Variants in SRGAP3 observed in about 807,000 individuals in gnomAD.
SRGAP3 encodes SLIT-ROBO Rho GTPase-activating protein 3.
SRGAP3 carries 39 observed loss-of-function variants against 121.1 expected under a neutral mutation model. The ratio of observed to expected loss-of-function variants is 0.32; its 90% CI spans 0.25 to 0.42. The LOEUF (loss-of-function observed/expected upper bound fraction) is 0.42. SRGAP3 is among the 10% of genes least tolerant of loss of function. SRGAP3 has a pLI of 1.00. For synonymous variants in SRGAP3, 601 were observed against 570.0 expected (o/e 1.05, Z -0.77); for missense variants, 1,213 against 1,470.6 (o/e 0.82, Z 2.86).
chr3:9,342,713 G>C (rs1353298366), intron 1 of SRGAP3, among the ~76,000 whole-genome samples: 1 of 152,166 alleles, frequency 6.6e-6, no homozygotes, highest in Non-Finnish European at 1.5e-5. Context: ...CCTTTACTTA[G>C]ACTCTTGAGG....
chr3:9,270,713 CA>C (rs1954457225), intron 3 of SRGAP3, among the ~76,000 whole-genome samples: 1 of 152,156 alleles, frequency 6.6e-6, no homozygotes, highest in Non-Finnish European at 1.5e-5. Flanking sequence ...ATTGACCAGA[CA>C]ATAACACAGC....
chr3:9,126,637 CTAACTAACTAAATAAA>C (rs1200808022), intron 1 of SRGAP3, among the ~76,000 whole-genome samples: 24 of 144,772 alleles, frequency 1.7e-4, no homozygotes, highest in Middle Eastern at 3.4e-3. Flanking sequence ...AACTAACTAA[CTAACTAACTAAATAAA>C]TAAATAAATA....
chr3:9,027,948 C>G, intron 12 of SRGAP3: 1 of 888,852 alleles, frequency 1.1e-6, no homozygotes, highest in South Asian at 1.4e-5. Context: ...CACACCCCAC[C>G]TGTGAATTCT....
chr3:9,356,539 A>AT (rs1292916196), intron 1 of SRGAP3, among the ~76,000 whole-genome samples: 1 of 151,180 alleles, frequency 6.6e-6, no homozygotes, highest in South Asian at 2.1e-4. Context: ...CATCCGGCTA[A>AT]TTTTTTTGTA....
At chr3:9,158,933 G>GAC (rs1390700373) in intron 1 of SRGAP3, among the ~76,000 whole-genome samples, 2 of 152,138 alleles carry the variant, frequency 1.3e-5, no homozygotes, top group African/African-American at 4.8e-5. Flanking sequence ...AAGCCTCTCT[G>GAC]ACAGAGCCCA....
At chr3:9,014,282 CT>C (rs1244795084) in intron 15 of SRGAP3, 1 of 238,016 alleles carries the variant, frequency 4.2e-6, no homozygotes. Flanking sequence ...AGTGCATTCC[CT>C]TTTATGAAGT....
At chr3:9,229,788 C>T (rs1482588994) in intron 1 of SRGAP3, among the ~76,000 whole-genome samples, 1 of 152,198 alleles carries the variant, frequency 6.6e-6, no homozygotes, top group South Asian at 2.1e-4. Context: ...TGGTTTTTCT[C>T]TTAAAGATAC....
intron 1 of SRGAP3, among the ~76,000 whole-genome samples, chr3:9,362,438 A>G (rs1037787443): frequency 6.7e-6 from 1 of 148,564 alleles, no homozygotes; most frequent in Non-Finnish European, 1.5e-5. Flanking sequence ...TGCTGGGATT[A>G]CAGGCATGAG....
intron 3 of SRGAP3, among the ~76,000 whole-genome samples, chr3:9,263,367 C>T (rs905927842): frequency 2.2e-4 from 33 of 151,788 alleles, no homozygotes; most frequent in Non-Finnish European, 4.4e-4. Flanking sequence ...TAACTAAGAT[C>T]AGAGCAGAAC....
At chr3:9,069,673 G>A (rs1946598525) in intron 4 of SRGAP3, among the ~76,000 whole-genome samples, 1 of 152,226 alleles carries the variant, frequency 6.6e-6, no homozygotes. Flanking sequence ...AGCGGGCTGG[G>A]CGCGGTGGCT....
chr3:9,299,543 C>A (rs963093398), intron 3 of SRGAP3, among the ~76,000 whole-genome samples: 29 of 152,064 alleles, frequency 1.9e-4, no homozygotes, highest in Non-Finnish European at 3.2e-4. Context: ...TGGTGGTAGG[C>A]AAGTACGTTT....
intron 3 of SRGAP3, chr3:9,256,744 ATCT>A: frequency 2.5e-6 from 1 of 395,372 alleles, no homozygotes; most frequent in Non-Finnish European, 4.4e-6. Context: ...TCACACATTA[ATCT>A]TCTCTTTTCA....
At chr3:9,328,849 G>C (rs1489036416) in intron 2 of SRGAP3, among the ~76,000 whole-genome samples, 2 of 152,274 alleles carry the variant, frequency 1.3e-5, no homozygotes, top group Non-Finnish European at 1.5e-5. Flanking sequence ...ACTTGCAAAG[G>C]CTTTTAACTA....
intron 1 of SRGAP3, among the ~76,000 whole-genome samples, chr3:9,202,863 C>A (rs1309761299): frequency 6.6e-6 from 1 of 152,266 alleles, no homozygotes; most frequent in Non-Finnish European, 1.5e-5. Context: ...CCAGAACATG[C>A]TCTAGGCTGA....
At chr3:9,269,605 C>G (rs1954434923) in intron 3 of SRGAP3, among the ~76,000 whole-genome samples, 4 of 152,204 alleles carry the variant, frequency 2.6e-5, no homozygotes, top group Admixed American at 1.3e-4. Context: ...TTGAACCTCT[C>G]CACCCAGAAA....
intron 1 of SRGAP3, among the ~76,000 whole-genome samples, chr3:9,226,293 A>G (rs950434343): frequency 1.3e-5 from 2 of 152,150 alleles, no homozygotes; most frequent in East Asian, 3.9e-4. Flanking sequence ...TTGTTATGGA[A>G]ATTATTTTCC....
chr3:9,333,482 C>G (rs115835440), intron 1 of SRGAP3, among the ~76,000 whole-genome samples: 5,843 of 152,248 alleles, frequency 0.038, 116 homozygotes, highest in Middle Eastern at 0.061. Flanking sequence ...CCTTCTAATT[C>G]CTCCTTGTCT....
chr3:9,123,403 CATACATACACAT>C (rs1949095506), intron 2 of SRGAP3, among the ~76,000 whole-genome samples: 3 of 3,512 alleles, frequency 8.5e-4, no homozygotes, highest in Non-Finnish European at 6.8e-3. Flanking sequence ...ACACAATACA[CATACATACACAT>C]ACATGGAGAG....
Position 8,982,533 on chromosome 3 carries a change from A to G in SRGAP3, c.*2986T>C. 4.5e-6 allele frequency: 1 copy of G among 222,696 alleles called. No homozygotes were observed. Among genetic ancestry groups the G allele is most frequent in the East Asian group, 6.6e-5 (1 of 15,256 alleles). 13.8% of individuals were successfully genotyped at this position (222,696 alleles called of 1,614,324 possible). A position where few individuals can be genotyped will look rare whatever the true frequency, so the allele number is the denominator to read the frequency against. ...TAATTGTAGCCTTTTTAAAAATTACAATTTCACATTTTAACAGTTACTTTC... is the reference window on the plus strand; with the variant it reads ...TAATTGTAGCCTTTTTAAAAATTACGATTTCACATTTTAACAGTTACTTTC... On this transcript the variant is annotated 3_prime_UTR_variant, in exon 22 of 22. Transcript: ENST00000383836.
Sources: allele counts gnomAD v4.1 joint callset (sites outside exome capture counted in the v4.1 genomes callset), GRCh38; gene constraint gnomAD v4.1.1; transcripts MANE v1.5; gene names NCBI Gene and HGNC (gene_info 2026-07-23, HGNC 2026-07-21).